APPBP2: variants seen among roughly 807,000 people sequenced by gnomAD.
The protein encoded by APPBP2 is amyloid beta precursor protein binding protein 2.
A neutral mutation model predicts 76.0 loss-of-function variants in APPBP2; 15 were observed. That is an observed-to-expected ratio of 0.20 (90% CI 0.13 to 0.30). The LOEUF is 0.30. APPBP2 is among the 10% of genes least tolerant of loss of function. The pLI is 1.00. For synonymous variants in APPBP2, 222 were observed against 242.2 expected (o/e 0.92, Z 0.77); for missense variants, 401 against 687.2 (o/e 0.58, Z 4.66).
intron 1 of APPBP2, among the ~76,000 whole-genome samples, chr17:60,514,030 C>A (rs2090942961): frequency 6.9e-6 from 1 of 144,558 alleles, no homozygotes; most frequent in Non-Finnish European, 1.5e-5. Flanking sequence ...CACAGCCAGG[C>A]ATGGTGGCTC....
chr17:60,482,423 C>A (rs898608286), intron 3 of APPBP2, among the ~76,000 whole-genome samples: 34 of 152,130 alleles, frequency 2.2e-4, no homozygotes, highest in African/African-American at 7.7e-4. Context: ...TTCTAAAAGA[C>A]AATTCTTTTT....
At chr17:60,449,611 C>T (rs1214685188) in intron 12 of APPBP2, among the ~76,000 whole-genome samples, 1 of 151,238 alleles carries the variant, frequency 6.6e-6, no homozygotes, top group East Asian at 1.9e-4. Context: ...CAAAACAAAA[C>T]CAAAAAAAAG....
intron 1 of APPBP2, among the ~76,000 whole-genome samples, chr17:60,518,966 TC>T (rs1214733055): frequency 1.3e-5 from 2 of 151,994 alleles, no homozygotes; most frequent in Non-Finnish European, 1.5e-5. Flanking sequence ...ATTACCTTTT[TC>T]CCCCCCTTTG....
intron 4 of APPBP2, among the ~76,000 whole-genome samples, chr17:60,472,033 G>A (rs1207058907): frequency 6.6e-6 from 1 of 152,182 alleles, no homozygotes; most frequent in Non-Finnish European, 1.5e-5. Context: ...GGCTGAGGCA[G>A]GAGAATCGCT....
At chr17:60,522,480 T>C (rs1205292792) in intron 1 of APPBP2, among the ~76,000 whole-genome samples, 2 of 152,092 alleles carry the variant, frequency 1.3e-5, no homozygotes, top group Non-Finnish European at 2.9e-5. Context: ...TGCACCACCA[T>C]GCCTGGATAA....
chr17:60,479,026 A>G (rs2090610545), intron 4 of APPBP2, 122 bp downstream of exon 4: 3 of 956,538 alleles, frequency 3.1e-6, no homozygotes, highest in Non-Finnish European at 4.5e-6. Flanking sequence ...TAGTGAAACT[A>G]TGACATATAA....
chr17:60,480,117 T>C (rs919036164), intron 3 of APPBP2, among the ~76,000 whole-genome samples: 4 of 152,186 alleles, frequency 2.6e-5, no homozygotes, highest in Admixed American at 6.5e-5. Context: ...CATACCATCA[T>C]GGTATGTTCT....
chr17:60,489,686 A>G (rs545738640), intron 3 of APPBP2, among the ~76,000 whole-genome samples: 2 of 152,128 alleles, frequency 1.3e-5, no homozygotes, highest in East Asian at 3.9e-4. Flanking sequence ...ACGTGTGTAC[A>G]CTTTAAGACA....
chr17:60,456,387 A>T lies in APPBP2; in HGVS notation c.1062-6T>A. 2.7e-6 allele frequency: 4 copies of T among 1,491,680 alleles called. No individual in the cohort carries two copies. Among genetic ancestry groups the T allele is most frequent in the Non-Finnish European group, 3.7e-6 (4 of 1,071,462 alleles). The allele number at this position is 1,491,680 out of a possible 1,614,324, so 92.4% of individuals were successfully genotyped here. A position where few individuals can be genotyped will look rare whatever the true frequency, so the allele number is the denominator to read the frequency against. On this transcript the variant is annotated splice_polypyrimidine_tract_variant and splice_region_variant and intron_variant, in intron 9 of 12. Coordinates refer to ENST00000083182, the MANE Select transcript of APPBP2 (RefSeq NM_006380.5). The stretch of plus-strand genomic sequence containing the variant: ...TAGCTCTTTCTGCATGAAATCTGTA[A>T]TACAGATAGATACAGTCTGGCATTT...
At chr17:60,521,224 C>T (rs1033369521) in intron 1 of APPBP2, among the ~76,000 whole-genome samples, 5 of 152,212 alleles carry the variant, frequency 3.3e-5, no homozygotes, top group Admixed American at 1.3e-4. Flanking sequence ...CAACAACCGA[C>T]TGCATATAAA....
At chr17:60,519,434 G>A (rs752291619) in intron 1 of APPBP2, among the ~76,000 whole-genome samples, 7 of 151,936 alleles carry the variant, frequency 4.6e-5, no homozygotes, top group Non-Finnish European at 7.4e-5. Context: ...AGTGAGATAC[G>A]GTCGGTCTCT....
chr17:60,457,311 C>G (rs1004036565), intron 9 of APPBP2, among the ~76,000 whole-genome samples: 1 of 152,168 alleles, frequency 6.6e-6, no homozygotes, highest in African/African-American at 2.4e-5. Flanking sequence ...CCCTCTCCCC[C>G]ACCCTCCAGG....
rs369558864 is a variant in APPBP2, at chr17:60,462,031, C to A, written c.793G>T (p.Ala265Ser). The change falls in exon 7 of 13, where the codon GCA becomes TCA. Residue 265 changes from alanine to serine, a missense_variant. By Grantham distance (99) the Ala-to-Ser change is moderately conservative. Transcript: ENST00000083182. Reference sequence around the variant, plus strand: ...ACTGCATGTTTAATTAACTGTTCTGCCTTCTTAAATTCACGTTTTACTACA... The same window carrying A: ...ACTGCATGTTTAATTAACTGTTCTGACTTCTTAAATTCACGTTTTACTACA... ...ACVVKREFKKAEQLIKHAVYL... is the reference protein window; with the variant it reads ...ACVVKREFKKSEQLIKHAVYL... 44 of 1,613,444 alleles carry A rather than the reference C, an allele frequency of 2.7e-5. No homozygotes were observed. The highest frequency in any genetic ancestry group is 6.7e-5 in the Admixed American group (4 of 59,988).
In APPBP2 at chr17:60,446,760, AT is replaced by A. The variant is rs1277194676; in HGVS notation, c.*820del. ...TTTGCATTATCCTTTTTCATTATACATCTAAATGAAATCATTCTACTGATAA... is the reference window on the plus strand; with the variant it reads ...TTTGCATTATCCTTTTTCATTATACACTAAATGAAATCATTCTACTGATAA... On this transcript the variant is annotated 3_prime_UTR_variant, in exon 13 of 13. Coordinates refer to ENST00000083182, the MANE Select transcript of APPBP2 (RefSeq NM_006380.5). 1.3e-5 allele frequency: 2 copies of A among 152,226 alleles called. No homozygotes were observed. The highest frequency in any genetic ancestry group is 4.8e-5 in the African/African-American group (2 of 41,460). 9.4% of individuals were successfully genotyped at this position (152,226 alleles called of 1,614,324 possible). A position where few individuals can be genotyped will look rare whatever the true frequency, so the allele number is the denominator to read the frequency against.
chr17:60,518,519 T>C (rs988669248), intron 1 of APPBP2, among the ~76,000 whole-genome samples: 1 of 151,422 alleles, frequency 6.6e-6, no homozygotes, highest in Non-Finnish European at 1.5e-5. Context: ...TGTGTGTGTG[T>C]GTGTGTGTGA....
chr17:60,482,467 A>C (rs1277452056), intron 3 of APPBP2, among the ~76,000 whole-genome samples: 1 of 152,088 alleles, frequency 6.6e-6, no homozygotes, highest in African/African-American at 2.4e-5. Flanking sequence ...TTATTATTAT[A>C]CTTTAAGTTC....
chr17:60,501,960 C>T (rs901969635), intron 1 of APPBP2, among the ~76,000 whole-genome samples: 4 of 152,156 alleles, frequency 2.6e-5, no homozygotes, highest in Non-Finnish European at 5.9e-5. Flanking sequence ...CCACCACATG[C>T]TCACGAAGGA....
chr17:60,487,492 T>A (rs1432923090), intron 3 of APPBP2, among the ~76,000 whole-genome samples: 1 of 152,234 alleles, frequency 6.6e-6, no homozygotes, highest in Non-Finnish European at 1.5e-5. Flanking sequence ...AATCGGCTAC[T>A]GAAGCATGTG....
chr17:60,488,093 G>A (rs186769411), intron 3 of APPBP2, among the ~76,000 whole-genome samples: 15 of 152,294 alleles, frequency 9.8e-5, no homozygotes, highest in Admixed American at 2.0e-4. Context: ...TGGAAGCTTC[G>A]TCTCAGAGGG....
Sources: allele counts gnomAD v4.1 joint callset (sites outside exome capture counted in the v4.1 genomes callset), GRCh38; gene constraint gnomAD v4.1.1; transcripts MANE v1.5; gene names NCBI Gene and HGNC (gene_info 2026-07-23, HGNC 2026-07-21).